The following ARHGAP32 variants were observed in gnomAD, a reference collection of about 807,000 sequenced individuals.
ARHGAP32 encodes the protein rho GTPase-activating protein 32.
Under a neutral mutation model 186.5 loss-of-function variants are expected in ARHGAP32, and 51 were observed. That is an observed-to-expected ratio of 0.27 (90% CI 0.22 to 0.35). The LOEUF (loss-of-function observed/expected upper bound fraction) is 0.35, where lower values mean the gene tolerates loss of function less well. Among genes scored for constraint, ARHGAP32 ranks in the 10% least tolerant of loss-of-function variants. ARHGAP32 has a pLI of 1.00. For missense variants in ARHGAP32, 2,186 were observed against 2,623.5 expected, an observed-to-expected ratio of 0.83 and a Z score of 3.64; for synonymous variants, 950 against 964.3, an observed-to-expected ratio of 0.99 and a Z score of 0.27.
At chr11:129,115,577 A>C (rs1249135154) in intron 5 of ARHGAP32, among the ~76,000 whole-genome samples, 1 of 152,110 alleles carries the variant, frequency 6.6e-6, no homozygotes, top group Non-Finnish European at 1.5e-5. Context: ...AAATAACACG[A>C]CAGCAGAATC....
chr11:128,985,505 T>C (rs981836480), intron 15 of ARHGAP32, among the ~76,000 whole-genome samples: 28 of 146,810 alleles, frequency 1.9e-4, no homozygotes, highest in Admixed American at 4.1e-4. Context: ...TTTTTCTAAC[T>C]GGCAAAGTAA....
At chr11:129,150,395 G>A (rs537442944) in intron 2 of ARHGAP32, among the ~76,000 whole-genome samples, 1 of 152,234 alleles carries the variant, frequency 6.6e-6, no homozygotes, top group African/African-American at 2.4e-5. Context: ...TAGTTGGTGA[G>A]GCTGGCCTGG....
intron 1 of ARHGAP32, among the ~76,000 whole-genome samples, chr11:129,208,266 A>G (rs1198897629): frequency 1.3e-5 from 2 of 152,126 alleles, no homozygotes; most frequent in African/African-American, 4.8e-5. Context: ...TCATTCTCCA[A>G]CTCTAGAGAT....
intron 6 of ARHGAP32, among the ~76,000 whole-genome samples, chr11:129,084,496 T>C (rs1941319265): frequency 6.6e-6 from 1 of 152,126 alleles, no homozygotes; most frequent in Non-Finnish European, 1.5e-5. Context: ...GCAAGGCTGG[T>C]TCAACATTTG....
chr11:128,978,319 A>G (rs368118754), intron 19 of ARHGAP32, among the ~76,000 whole-genome samples: 4 of 152,314 alleles, frequency 2.6e-5, no homozygotes, highest in African/African-American at 7.2e-5. Flanking sequence ...CGACAGTAAT[A>G]GATTTATTTG....
rs1565471295 is a variant in ARHGAP32, at chr11:129,216,691, A to AAAG, written c.-4-52267_-4-52265dup. Among the ~76,000 whole-genome samples the AAAG allele has an allele frequency of 4.2e-4, 61 of 143,646 alleles. 2 individuals carry two copies. Among genetic ancestry groups the AAAG allele is most frequent in the Non-Finnish European group, 4.0e-4 (26 of 65,590 alleles). 94.2% of individuals were successfully genotyped at this position (143,646 alleles called of 152,430 possible). The stretch of plus-strand genomic sequence containing the variant: ...CTTTAAAAAAAAAAAAAAAAAAAAA[A>AAAG]AAGACAATCTTTCAGATTTTAGCTG... On this transcript the variant is annotated intron_variant, in intron 1 of 6. Coordinates refer to the ARHGAP32 transcript ENST00000525234.
chr11:129,090,933 A>G (rs1292941967), intron 6 of ARHGAP32, among the ~76,000 whole-genome samples: 1 of 152,188 alleles, frequency 6.6e-6, no homozygotes, highest in Non-Finnish European at 1.5e-5. Context: ...AACTAAATAC[A>G]TTAACTTTCT....
chr11:129,137,495 T>G (rs1942961874), intron 2 of ARHGAP32, among the ~76,000 whole-genome samples: 1 of 151,946 alleles, frequency 6.6e-6, no homozygotes, highest in Non-Finnish European at 1.5e-5. Flanking sequence ...TTACCTCAAA[T>G]GACAGTGAAG....
intron 11 of ARHGAP32, among the ~76,000 whole-genome samples, chr11:129,021,444 T>C (rs1938589217): frequency 6.6e-6 from 1 of 152,018 alleles, no homozygotes; most frequent in African/African-American, 2.4e-5. Flanking sequence ...CAAAGCAACA[T>C]CACTATGCTG....
chr11:128,993,406 G>T (rs904811699), intron 12 of ARHGAP32: 2 of 151,692 alleles, frequency 1.3e-5, no homozygotes, highest in African/African-American at 4.8e-5. Flanking sequence ...ATTTTATTTA[G>T]GGTAAAGACA....
chr11:129,095,839 G>A (rs183297488), intron 5 of ARHGAP32, among the ~76,000 whole-genome samples: 2 of 152,312 alleles, frequency 1.3e-5, no homozygotes, highest in Admixed American at 6.5e-5. Flanking sequence ...TTCTCCCTCA[G>A]TTCAGAAGAT....
chr11:129,192,157 A>G lies in ARHGAP32; in HGVS notation c.42T>C (p.Ser14=). ...ESESSTLGDD[S]VFWLESEVII... The stretch of plus-strand genomic sequence containing the variant: ...TAACTTCAGACTCCAACCAGAAGAC[A>G]CTGTCATCCCCTAAAGTGCTACTCT... The change falls in exon 1 of 23, where the codon AGT becomes AGC. Residue 14 remains serine (S), a synonymous_variant. Transcript: ENST00000682385. The G allele has an allele frequency of 6.2e-7, 1 of 1,613,918 alleles. No homozygotes were observed. The highest frequency in any genetic ancestry group is 8.5e-7 in the Non-Finnish European group (1 of 1,179,844).
intron 6 of ARHGAP32, among the ~76,000 whole-genome samples, chr11:129,081,635 A>G (rs1185190945): frequency 6.6e-6 from 1 of 152,138 alleles, no homozygotes; most frequent in East Asian, 1.9e-4. Flanking sequence ...ACAAACCCGC[A>G]GCAAACATTA....
intron 11 of ARHGAP32, among the ~76,000 whole-genome samples, chr11:129,032,889 C>A (rs886223813): frequency 1.3e-5 from 2 of 152,166 alleles, no homozygotes; most frequent in African/African-American, 4.8e-5. Flanking sequence ...CAGAACATTA[C>A]CAGTACTCCA....
intron 11 of ARHGAP32, among the ~76,000 whole-genome samples, chr11:129,013,519 T>C (rs893225492): frequency 2.0e-5 from 3 of 152,252 alleles, no homozygotes; most frequent in African/African-American, 7.2e-5. Context: ...CTGCTGGTGA[T>C]GTTATTTTAA....
chr11:129,005,270 C>A (rs1468520175), intron 11 of ARHGAP32, among the ~76,000 whole-genome samples: 1 of 152,068 alleles, frequency 6.6e-6, no homozygotes, highest in Non-Finnish European at 1.5e-5. Flanking sequence ...ATCATTTAGT[C>A]TTCTACTTAA....
chr11:129,079,364 T>C, intron 6 of ARHGAP32, among the ~76,000 whole-genome samples: 1 of 152,104 alleles, frequency 6.6e-6, no homozygotes, highest in Admixed American at 6.5e-5. Context: ...TCAGGTAACC[T>C]ATAAAGGAAA....
At chr11:129,251,162 T>A (rs1185427518) in intron 1 of ARHGAP32, among the ~76,000 whole-genome samples, 3 of 152,330 alleles carry the variant, frequency 2.0e-5, no homozygotes, top group Non-Finnish European at 4.4e-5. Flanking sequence ...CCAAAGGTGC[T>A]GATGATGAGG....
intron 6 of ARHGAP32, among the ~76,000 whole-genome samples, chr11:129,070,920 T>C (rs1565407136): frequency 1.3e-5 from 2 of 152,054 alleles, no homozygotes; most frequent in Non-Finnish European, 2.9e-5. Context: ...CAGTCACTTT[T>C]ATTTCTTCTT....
Sources: gnomAD v4.1 joint callset for allele counts (sites outside exome capture counted in the v4.1 genomes callset) on GRCh38, gnomAD v4.1.1 for gene constraint, MANE v1.5 for transcripts, NCBI Gene and HGNC (gene_info 2026-07-23, HGNC 2026-07-21) for gene names.